The following DOCK1 variants were observed in gnomAD, a reference collection of about 807,000 sequenced individuals.
DOCK1 encodes dedicator of cytokinesis protein 1.
DOCK1 carries 138 observed loss-of-function variants against 262.7 expected under a neutral mutation model. The ratio of observed to expected loss-of-function variants is 0.53; its 90% CI spans 0.46 to 0.61. The LOEUF is 0.61. Ranked by LOEUF, DOCK1 falls within the 20% of genes least tolerant of loss-of-function variation. The pLI, the probability that DOCK1 is intolerant of heterozygous loss-of-function variation, is 0.00. For missense variants in DOCK1, 1,908 were observed against 2,370.7 expected (o/e 0.80, Z 4.05); for synonymous variants, 866 against 867.4 (o/e 1.00, Z 0.03).
chr10:127,339,638 TGTGTGTGTGTGCGCGCGC>T (rs2063339698), intron 30 of DOCK1, among the ~76,000 whole-genome samples: 1 of 151,288 alleles, frequency 6.6e-6, no homozygotes, highest in Non-Finnish European at 1.5e-5. Context: ...TGTGTGTGTG[TGTGTGTGTGTGCGCGCGC>T]GCATGCATGC....
At position 127,025,908 on chromosome 10, in the gene DOCK1, T is replaced by A. The variant is rs954018998; in HGVS notation, c.1552-444T>A. 24 of 189,654 alleles carry A rather than the reference T, an allele frequency of 1.3e-4. 1 individual carries two copies. The South Asian group carries it at 1.4e-3, about 11-fold the overall frequency. The allele number at this position is 189,654 out of a possible 1,614,324, so 11.7% of individuals were successfully genotyped here. The stretch of plus-strand genomic sequence containing the variant: ...ACCTTCTCTACTAAATACACAAAAT[T>A]AGCTGGGTGTGGTGGCGCATGCCTG... On this transcript the variant is annotated intron_variant, in intron 15 of 51. Coordinates refer to ENST00000623213, the MANE Select transcript of DOCK1 (RefSeq NM_001290223.2).
chr10:127,175,801 G>A lies in DOCK1; in HGVS notation c.2847+48037G>A, dbSNP rs1229018722. 3.7e-6 allele frequency: 6 copies of A among 1,613,984 alleles called. No individual in the cohort carries two copies. In the Admixed American group the frequency reaches 1.0e-4, roughly 27 times the overall value. On this transcript the variant is annotated intron_variant, in intron 27 of 51. Coordinates refer to ENST00000623213, the MANE Select transcript of DOCK1 (RefSeq NM_001290223.2). The surrounding 1 kb of genome is among the most constrained non-coding windows in gnomAD (Gnocchi z 6.3). ...GCTTCTCCATAGCTGAGCGGCTCCG[G>A]GCTTTTACAGGGCTCTGTGCAGTTG...
intron 38 of DOCK1, among the ~76,000 whole-genome samples, chr10:127,390,131 A>G (rs943035718): frequency 1.3e-5 from 2 of 152,058 alleles, no homozygotes; most frequent in Non-Finnish European, 2.9e-5. Context: ...GGCTGCTGCC[A>G]TGCTTCCTGT....
intron 22 of DOCK1, among the ~76,000 whole-genome samples, chr10:127,056,169 A>C (rs2135772346): frequency 6.6e-6 from 1 of 152,082 alleles, no homozygotes; most frequent in East Asian, 1.9e-4. Context: ...GTGATTCTGG[A>C]GATCCTGATG....
intron 25 of DOCK1, among the ~76,000 whole-genome samples, chr10:127,114,218 G>A (rs2049036578): frequency 6.6e-6 from 1 of 152,096 alleles, no homozygotes; most frequent in Admixed American, 6.6e-5. Flanking sequence ...CCTAGCGCAT[G>A]CCTGGCTTCA....
intron 6 of DOCK1, among the ~76,000 whole-genome samples, chr10:126,991,132 GT>G (rs2039754124): frequency 6.6e-6 from 1 of 152,150 alleles, no homozygotes; most frequent in East Asian, 1.9e-4. Context: ...GTGCAGTTAT[GT>G]CTCTTGCCAG....
In DOCK1 at chr10:127,176,800, C is replaced by T. The variant is rs555872264; in HGVS notation, c.2847+49036C>T. 3.7e-5 allele frequency: 6 copies of T among 162,406 alleles called. No homozygotes were observed. The highest frequency in any genetic ancestry group is 6.7e-5 in the Non-Finnish European group (5 of 75,148). The allele number at this position is 162,406 out of a possible 1,614,324, so 10.1% of individuals were successfully genotyped here. A position where few individuals can be genotyped will look rare whatever the true frequency, so the allele number is the denominator to read the frequency against. ...TACCAAGTGCTACTTATTTGGTTTG[C>T]GTTTTGACTATTTTTTGAGGATGAC... On this transcript the variant is annotated intron_variant, in intron 27 of 51. Coordinates refer to ENST00000623213, the MANE Select transcript of DOCK1 (RefSeq NM_001290223.2). The surrounding 1 kb of genome is among the most constrained non-coding windows in gnomAD (Gnocchi z 4.4).
intron 1 of DOCK1, among the ~76,000 whole-genome samples, chr10:126,924,635 C>T (rs1307585190): frequency 6.6e-6 from 1 of 152,198 alleles, no homozygotes; most frequent in Non-Finnish European, 1.5e-5. Flanking sequence ...TTGCTTCTTC[C>T]ACCGTGTTGC....
intron 23 of DOCK1, among the ~76,000 whole-genome samples, chr10:127,077,737 A>G (rs1050524070): frequency 2.0e-5 from 3 of 152,172 alleles, no homozygotes; most frequent in African/African-American, 7.2e-5. Context: ...GTGGTACATC[A>G]CTGCATCATT....
intron 4 of DOCK1, among the ~76,000 whole-genome samples, chr10:126,985,021 C>T (rs1214425431): frequency 6.8e-6 from 1 of 147,960 alleles, no homozygotes; most frequent in Admixed American, 6.8e-5. Flanking sequence ...TGCTCTGTCG[C>T]CCAGGCTGGA....
intron 27 of DOCK1, among the ~76,000 whole-genome samples, chr10:127,224,676 C>T (rs2058571402): frequency 6.6e-6 from 1 of 151,768 alleles, no homozygotes; most frequent in African/African-American, 2.4e-5. Flanking sequence ...GCTCTGATCA[C>T]ACCCCTATAC....
At chr10:126,923,847 C>G (rs749666556) in intron 1 of DOCK1, among the ~76,000 whole-genome samples, 1 of 152,096 alleles carries the variant, frequency 6.6e-6, no homozygotes, top group Non-Finnish European at 1.5e-5. Flanking sequence ...AAAGAGGCCC[C>G]GGAGAGCTTG....
At chr10:127,057,605 G>A (rs538821386) in intron 22 of DOCK1, among the ~76,000 whole-genome samples, 1 of 152,348 alleles carries the variant, frequency 6.6e-6, no homozygotes, top group African/African-American at 2.4e-5. Flanking sequence ...ATTCCTGACA[G>A]CCGGGGGCAC....
intron 12 of DOCK1, among the ~76,000 whole-genome samples, chr10:127,014,047 G>C (rs2041677309): frequency 6.6e-6 from 1 of 152,276 alleles, no homozygotes; most frequent in African/African-American, 2.4e-5. Flanking sequence ...CATCTTCAGA[G>C]AGAACCACTG....
chr10:127,195,547 G>A (rs2057060895), intron 27 of DOCK1, among the ~76,000 whole-genome samples: 1 of 149,074 alleles, frequency 6.7e-6, no homozygotes, highest in Admixed American at 6.7e-5. Flanking sequence ...TTAATCAGCC[G>A]TACTTGTACT....
At chr10:127,015,366 G>C (rs74956965) in intron 12 of DOCK1, among the ~76,000 whole-genome samples, 27,279 of 151,102 alleles carry the variant, frequency 0.18, 2,604 homozygotes, top group Non-Finnish European at 0.21. Context: ...CTCTGCCCCC[G>C]TCTCCCACCA....
chr10:127,205,234 T>A (rs1470479827), intron 27 of DOCK1, among the ~76,000 whole-genome samples: 1 of 152,148 alleles, frequency 6.6e-6, no homozygotes, highest in Non-Finnish European at 1.5e-5. Context: ...ATCTTCACCT[T>A]CAGATTCATA....
intron 29 of DOCK1, among the ~76,000 whole-genome samples, chr10:127,262,495 C>A (rs11017012): frequency 0.36 from 53,971 of 151,636 alleles, 9,606 homozygotes; most frequent in Admixed American, 0.41. Flanking sequence ...AACTTTTATT[C>A]CCACATCCTT....
chr10:127,409,658 G>A (rs1165156193), intron 42 of DOCK1, among the ~76,000 whole-genome samples: 2 of 152,182 alleles, frequency 1.3e-5, no homozygotes, highest in African/African-American at 4.8e-5. Context: ...AGAGGGCAGT[G>A]GAGGCCGTCT....
Sources: gnomAD v4.1 joint callset for allele counts (sites outside exome capture counted in the v4.1 genomes callset) on GRCh38, gnomAD v4.1.1 for gene constraint, Gnocchi (gnomAD v3.1) non-coding constraint, MANE v1.5 for transcripts, NCBI Gene and HGNC (gene_info 2026-07-23, HGNC 2026-07-21) for gene names.